Variants in MSH4 observed in about 807,000 individuals in gnomAD.
MSH4 encodes mutS protein homolog 4.
A neutral mutation model predicts 113.7 loss-of-function variants in MSH4; 106 were observed. That is an observed-to-expected ratio of 0.93 (90% CI 0.80 to 1.10). MSH4 has a LOEUF of 1.10. Among genes scored for constraint, MSH4 ranks in the 50% least tolerant of loss-of-function variants. The pLI is 0.00. For synonymous variants in MSH4, 368 were observed against 380.2 expected, an observed-to-expected ratio of 0.97 and a Z score of 0.37; for missense variants, 1,061 against 1,093.7, an observed-to-expected ratio of 0.97 and a Z score of 0.42.
intron 15 of MSH4, among the ~76,000 whole-genome samples, chr1:75,885,218 CTA>C (rs1476711191): frequency 7.1e-6 from 1 of 140,622 alleles, no homozygotes; most frequent in African/African-American, 2.6e-5. Flanking sequence ...TATATACCTT[CTA>C]TATATAATAT....
intron 7 of MSH4, among the ~76,000 whole-genome samples, chr1:75,825,215 C>G (rs929631819): frequency 6.6e-6 from 1 of 151,952 alleles, no homozygotes; most frequent in Non-Finnish European, 1.5e-5. Context: ...GTTTTATTTT[C>G]TTCGTAGCGG....
At chr1:75,820,879 A>G (rs892227558) in intron 6 of MSH4, among the ~76,000 whole-genome samples, 1 of 151,456 alleles carries the variant, frequency 6.6e-6, no homozygotes, top group Non-Finnish European at 1.5e-5. Context: ...TATGCACCCA[A>G]TACAGGAGCA....
intron 3 of MSH4, among the ~76,000 whole-genome samples, chr1:75,809,764 C>T (rs1650147855): frequency 6.6e-6 from 1 of 151,904 alleles, no homozygotes; most frequent in Non-Finnish European, 1.5e-5. Flanking sequence ...CCTCAGCCTG[C>T]CTCAGCCTCC....
intron 11 of MSH4, 77 bp from the exon 12 acceptor site, chr1:75,878,915 T>C: frequency 7.6e-7 from 1 of 1,319,786 alleles, no homozygotes; most frequent in Non-Finnish European, 1.1e-6. Flanking sequence ...CATGTGACTC[T>C]TTAAAACAGA....
Position 75,839,224 on chromosome 1 carries a change from C to T in MSH4, c.1163-8985C>T, listed in dbSNP as rs543635869. Among the ~76,000 whole-genome samples, 54 of 151,306 alleles carry T rather than the reference C, an allele frequency of 3.6e-4. 2 individuals are homozygous for T. The East Asian group carries it at 9.7e-3, about 27-fold the overall frequency. Reference sequence around the variant, plus strand: ...TCTGTTTTCTATATCTTTTTCTTTTCTTTTTTTTGAGACAGAGTTTCACTC... The same window carrying T: ...TCTGTTTTCTATATCTTTTTCTTTTTTTTTTTTTGAGACAGAGTTTCACTC... On this transcript the variant is annotated intron_variant, in intron 7 of 19. Transcript: ENST00000263187.
At chr1:75,798,559 C>CTTTTT (rs35974049) in intron 1 of MSH4, among the ~76,000 whole-genome samples, 5 of 137,646 alleles carry the variant, frequency 3.6e-5, no homozygotes, top group Admixed American at 1.5e-4. Context: ...CCTCTCTGCA[C>CTTTTT]TTTTTTTTTT....
At chr1:75,861,837 GC>G (rs1379179415) in intron 8 of MSH4, among the ~76,000 whole-genome samples, 2 of 152,222 alleles carry the variant, frequency 1.3e-5, no homozygotes, top group Non-Finnish European at 2.9e-5. Context: ...TGGAGAAGCT[GC>G]CTGCTGCCTT....
In MSH4 at chr1:75,867,119, T is replaced by G. The variant is rs191692519; in HGVS notation, c.1231-395T>G. ...GGAAATCAGTGTTGTTCTATAACTA[T>G]CTGGGAGGTTTGGATTCAGCCTTTT... is the stretch of plus-strand genomic sequence containing the variant. On this transcript the variant is annotated intron_variant, in intron 8 of 19. Transcript: ENST00000263187. Among the ~76,000 whole-genome samples, 310 of 152,334 alleles carry G rather than the reference T, an allele frequency of 2.0e-3. 1 individual carries two copies. Among genetic ancestry groups the G allele is most frequent in the Non-Finnish European group, 3.5e-3 (238 of 68,032 alleles).
intron 1 of MSH4, among the ~76,000 whole-genome samples, chr1:75,802,110 A>G (rs1649950148): frequency 6.6e-6 from 1 of 152,206 alleles, no homozygotes; most frequent in Non-Finnish European, 1.5e-5. Context: ...TCAAGGCTGC[A>G]TTTAGCCAAG....
At chr1:75,845,053 AT>A (rs1651046932) in intron 7 of MSH4, among the ~76,000 whole-genome samples, 1 of 152,242 alleles carries the variant, frequency 6.6e-6, no homozygotes, top group South Asian at 2.1e-4. Context: ...TTCTGTGATA[AT>A]GGCATTAATC....
intron 8 of MSH4, among the ~76,000 whole-genome samples, chr1:75,855,059 A>G (rs373102725): frequency 6.6e-6 from 1 of 151,214 alleles, no homozygotes; most frequent in Non-Finnish European, 1.5e-5. Context: ...CTTTTTTGAG[A>G]CAGAGTCTCA....
At chr1:75,823,081 C>A (rs796378897) in intron 7 of MSH4, among the ~76,000 whole-genome samples, 1 of 152,108 alleles carries the variant, frequency 6.6e-6, no homozygotes, top group South Asian at 2.1e-4. Context: ...GGGGAGAATC[C>A]TTTGCCCCTT....
intron 19 of MSH4, among the ~76,000 whole-genome samples, chr1:75,907,532 A>C (rs1354520905): frequency 6.6e-6 from 1 of 151,546 alleles, no homozygotes; most frequent in Non-Finnish European, 1.5e-5. Context: ...TTGTACCTAG[A>C]TATTAACATA....
chr1:75,804,405 T>C (rs1293515940), intron 2 of MSH4, among the ~76,000 whole-genome samples: 4 of 151,904 alleles, frequency 2.6e-5, no homozygotes, highest in Non-Finnish European at 4.4e-5. Context: ...GACAAATTAT[T>C]TTTTAAAGTA....
chr1:75,878,653 T>G (rs1240776479), intron 11 of MSH4, among the ~76,000 whole-genome samples: 1 of 151,926 alleles, frequency 6.6e-6, no homozygotes, highest in Non-Finnish European at 1.5e-5. Context: ...AGACGTTGTC[T>G]CTACAAAAAC....
intron 7 of MSH4, among the ~76,000 whole-genome samples, chr1:75,824,414 C>T (rs1650498782): frequency 6.6e-6 from 1 of 152,060 alleles, no homozygotes; most frequent in African/African-American, 2.4e-5. Flanking sequence ...TTCTCCCATT[C>T]TGTAGGTTGC....
chr1:75,905,676 GTCT>G, intron 19 of MSH4, among the ~76,000 whole-genome samples: 3 of 152,004 alleles, frequency 2.0e-5, no homozygotes, highest in African/African-American at 7.2e-5. Flanking sequence ...TTGTATTGCA[GTCT>G]ATATTTCTCT....
intron 17 of MSH4, among the ~76,000 whole-genome samples, chr1:75,893,314 C>A (rs1284486718): frequency 6.6e-6 from 1 of 152,084 alleles, no homozygotes; most frequent in Non-Finnish European, 1.5e-5. Context: ...AAAATCAAAC[C>A]CAGAATCTCA....
chr1:75,892,905 A>G (rs1652288823), intron 17 of MSH4, among the ~76,000 whole-genome samples: 2 of 152,120 alleles, frequency 1.3e-5, no homozygotes, highest in South Asian at 4.1e-4. Context: ...CTTAGATGGG[A>G]AAAAAGCCTC....
Sources: allele counts gnomAD v4.1 joint callset (sites outside exome capture counted in the v4.1 genomes callset), GRCh38; gene constraint gnomAD v4.1.1; transcripts MANE v1.5; gene names NCBI Gene and HGNC (gene_info 2026-07-23, HGNC 2026-07-21).